The following SLC12A1 variants were observed in gnomAD, a reference collection of about 807,000 sequenced individuals.
SLC12A1 encodes the protein Na-K-2Cl cotransporter.
In SLC12A1, 89 loss-of-function variants were observed where a neutral mutation model predicts 130.4. That is an observed-to-expected ratio of 0.68 (90% CI 0.58 to 0.81). The LOEUF (loss-of-function observed/expected upper bound fraction) is 0.81, where lower values mean the gene tolerates loss of function less well. Ranked by LOEUF, SLC12A1 falls within the 40% of genes least tolerant of loss-of-function variation. The pLI, the probability that SLC12A1 is intolerant of heterozygous loss-of-function variation, is 0.00. For synonymous variants in SLC12A1, 499 were observed against 460.0 expected (o/e 1.08, Z -1.09); for missense variants, 1,310 against 1,336.4 (o/e 0.98, Z 0.31).
At position 48,288,404 on chromosome 15, in the gene SLC12A1, G is replaced by A; in HGVS notation, c.2762-1G>A. Reference sequence around the variant, plus strand: ...GTGTCATAATTTATTCTTTATTCCAGGGTTAACACTTCTTATCCCCTATAT... The same window carrying A: ...GTGTCATAATTTATTCTTTATTCCAAGGTTAACACTTCTTATCCCCTATAT... On this transcript the variant is annotated splice_acceptor_variant, in intron 22 of 26. Coordinates refer to ENST00000380993, the MANE Select transcript of SLC12A1 (RefSeq NM_000338.3). LOFTEE classifies it high-confidence loss of function. 7.1e-7 allele frequency: 1 copy of A among 1,414,212 alleles called. No homozygotes were observed. The highest frequency in any genetic ancestry group is 9.8e-7 in the Non-Finnish European group (1 of 1,023,832). 87.6% of individuals were successfully genotyped at this position (1,414,212 alleles called of 1,614,324 possible).
Position 48,234,879 on chromosome 15 carries a change from T to A in SLC12A1, c.1090T>A (p.Ser364Thr), listed in dbSNP as rs757717046. ...KSRGFFNYQA[S>T]IFAENFGPRF... ...TTTTCTTATAATTTATGTTGCAGCA[T>A]CAATATTTGCAGAAAACTTTGGGCC... Residue 364 changes from serine (S) to threonine (T), a missense_variant and splice_region_variant, in exon 9 of 27, where the codon TCA becomes ACA. Coordinates refer to ENST00000380993, the MANE Select transcript of SLC12A1 (RefSeq NM_000338.3). 2 of 1,613,742 alleles carry A rather than the reference T, an allele frequency of 1.2e-6. No homozygotes were observed. Among genetic ancestry groups the A allele is most frequent in the African/African-American group, 1.3e-5 (1 of 74,930 alleles).
chr15:48,208,893 A>G (rs560755271), intron 2 of SLC12A1, among the ~76,000 whole-genome samples: 3 of 152,180 alleles, frequency 2.0e-5, no homozygotes, highest in Non-Finnish European at 2.9e-5. Context: ...GATTTATAAG[A>G]TTCAGCATTT....
intron 20 of SLC12A1, among the ~76,000 whole-genome samples, chr15:48,278,838 T>C (rs1444926128): frequency 2.0e-5 from 3 of 152,192 alleles, no homozygotes; most frequent in East Asian, 3.9e-4. Flanking sequence ...CCACCCCTCA[T>C]TGTTCCATCT....
At position 48,247,032 on chromosome 15, in the gene SLC12A1, C is replaced by A. The variant is rs759295623; in HGVS notation, c.1560+16C>A. Reference sequence around the variant, plus strand: ...AGTGTTCCAGGTAATACAAGCACAACAGCTTGTGCTTCTCCCTATTGCTAT... The same window carrying A: ...AGTGTTCCAGGTAATACAAGCACAAAAGCTTGTGCTTCTCCCTATTGCTAT... On this transcript the variant is annotated intron_variant, in intron 12 of 26. Coordinates refer to ENST00000380993, the MANE Select transcript of SLC12A1 (RefSeq NM_000338.3). The A allele has an allele frequency of 2.6e-6, 4 of 1,529,952 alleles. No homozygotes were observed. The African/African-American group carries it at 5.5e-5, about 21-fold the overall frequency. The allele number at this position is 1,529,952 out of a possible 1,614,324, so 94.8% of individuals were successfully genotyped here. A position where few individuals can be genotyped will look rare whatever the true frequency, so the allele number is the denominator to read the frequency against.
chr15:48,209,240 T>A (rs2041022457), intron 2 of SLC12A1, among the ~76,000 whole-genome samples: 1 of 152,184 alleles, frequency 6.6e-6, no homozygotes, highest in Non-Finnish European at 1.5e-5. Flanking sequence ...AATTTTTTTG[T>A]ATTTTTAGTA....
chr15:48,285,512 C>T (rs1215162384), intron 21 of SLC12A1, among the ~76,000 whole-genome samples: 1 of 152,160 alleles, frequency 6.6e-6, no homozygotes, highest in Non-Finnish European at 1.5e-5. Flanking sequence ...AGTGCTTAAG[C>T]AGATTGCATG....
chr15:48,294,205 G>A (rs1286916990), intron 24 of SLC12A1, among the ~76,000 whole-genome samples: 6 of 151,318 alleles, frequency 4.0e-5, no homozygotes, highest in Non-Finnish European at 7.4e-5. Context: ...AAAAATAGCC[G>A]GGTATGGTGG....
At chr15:48,259,149 G>A in intron 16 of SLC12A1, 51 bp from the exon 17 acceptor site, 1 of 1,190,634 alleles carries the variant, frequency 8.4e-7, no homozygotes, top group Non-Finnish European at 1.3e-6. Context: ...TGGTTCTAAG[G>A]TTACAGGCTT....
intron 4 of SLC12A1, chr15:48,223,561 G>T (rs2041243498): frequency 6.6e-6 from 1 of 152,206 alleles, no homozygotes; most frequent in African/African-American, 2.4e-5. Context: ...GAAAAAACTA[G>T]AGTCAAAAGG....
At position 48,255,915 on chromosome 15, in the gene SLC12A1, A is replaced by G. The variant is rs1356409260; in HGVS notation, c.2042+5A>G. 1.3e-6 allele frequency: 2 copies of G among 1,564,290 alleles called. No homozygotes were observed. Among genetic ancestry groups the G allele is most frequent in the African/African-American group, 2.7e-5 (2 of 74,010 alleles). ...AGACCACGTAAAAAACTTCAGGTAA[A>G]GCTGGTGTCTCAGGCATCCTGGTGT... On this transcript the variant is annotated splice_donor_5th_base_variant and intron_variant, in intron 16 of 26. Transcript: ENST00000380993.
chr15:48,302,480 C>CAT, intron 26 of SLC12A1, among the ~76,000 whole-genome samples: 1 of 150,330 alleles, frequency 6.7e-6, no homozygotes, highest in Non-Finnish European at 1.5e-5. Flanking sequence ...ATTAGCCGGG[C>CAT]GCGGTGGCGG....
chr15:48,246,024 G>A (rs1242321033), intron 11 of SLC12A1, among the ~76,000 whole-genome samples: 1 of 152,188 alleles, frequency 6.6e-6, no homozygotes. Context: ...TGCATGATTG[G>A]TGAGCAGAGG....
chr15:48,274,637 G>T lies in SLC12A1; in HGVS notation c.2469G>T (p.Gln823His). 3 of 1,611,638 alleles carry T rather than the reference G, an allele frequency of 1.9e-6. No individual in the cohort carries two copies. Among genetic ancestry groups the T allele is most frequent in the South Asian group, 1.1e-5 (1 of 90,952 alleles). Residue 823 changes from glutamine to histidine, a missense_variant, in exon 20 of 27, where the codon CAG becomes CAT. Coordinates refer to ENST00000380993, the MANE Select transcript of SLC12A1 (RefSeq NM_000338.3). ...VRISQGFDIS[Q>H]VLQVQEELER... The stretch of plus-strand genomic sequence containing the variant: ...TCAGCCAAGGATTTGACATCTCTCA[G>T]GTTCTTCAGGTGCAAGGTATGTACT...
intron 2 of SLC12A1, 50 bp from the exon 3 acceptor site, chr15:48,220,584 C>T: frequency 6.5e-7 from 1 of 1,534,808 alleles, no homozygotes; most frequent in South Asian, 1.3e-5. Context: ...TTTCATGGAA[C>T]CCTTTGTTCA....
chr15:48,262,749 T>A (rs1449095220), intron 17 of SLC12A1, among the ~76,000 whole-genome samples: 2 of 152,236 alleles, frequency 1.3e-5, no homozygotes, highest in African/African-American at 4.8e-5. Context: ...GGGTCATTTG[T>A]TCTTTTGTAC....
chr15:48,285,853 A>G (rs1162000268), intron 21 of SLC12A1, among the ~76,000 whole-genome samples: 1 of 152,216 alleles, frequency 6.6e-6, no homozygotes, highest in East Asian at 1.9e-4. Context: ...TTATAAACAG[A>G]TGATTCAAAC....
chr15:48,280,998 G>A (rs1038348933), intron 20 of SLC12A1, among the ~76,000 whole-genome samples: 2 of 152,272 alleles, frequency 1.3e-5, no homozygotes, highest in East Asian at 1.9e-4. Flanking sequence ...ATTCTTGAGT[G>A]CCTGTTGGTG....
chr15:48,290,665 T>C (rs1397753050), intron 23 of SLC12A1, among the ~76,000 whole-genome samples: 2 of 152,146 alleles, frequency 1.3e-5, no homozygotes, highest in African/African-American at 4.8e-5. Context: ...CAGTCTGTCA[T>C]TGATCAGAAT....
chr15:48,224,146 TA>T (rs1306924544), intron 4 of SLC12A1: 3 of 152,152 alleles, frequency 2.0e-5, no homozygotes, highest in African/African-American at 7.2e-5. Context: ...GCATTCACTT[TA>T]CATAGGGGAG....
Sources: allele counts gnomAD v4.1 joint callset (sites outside exome capture counted in the v4.1 genomes callset), GRCh38; gene constraint gnomAD v4.1.1; transcripts MANE v1.5; gene names NCBI Gene and HGNC (gene_info 2026-07-23, HGNC 2026-07-21).